Variants in ERAP1 observed in about 807,000 individuals in gnomAD.
The protein encoded by ERAP1 is endoplasmic reticulum aminopeptidase 1.
ERAP1 carries 86 observed loss-of-function variants against 103.7 expected under a neutral mutation model. That is an observed-to-expected ratio of 0.83 (90% CI 0.70 to 0.99). ERAP1 has a LOEUF of 0.99. Among genes scored for constraint, ERAP1 ranks in the 50% least tolerant of loss-of-function variants. The pLI, the probability that ERAP1 is intolerant of heterozygous loss-of-function variation, is 0.00. For missense variants in ERAP1, 1,009 were observed against 1,128.4 expected (o/e 0.89, Z 1.52); for synonymous variants, 398 against 402.4 (o/e 0.99, Z 0.13).
chr5:96,864,880 T>A, the ERAP1 span, among the ~76,000 whole-genome samples: 1 of 152,214 alleles, frequency 6.6e-6, no homozygotes, highest in East Asian at 1.9e-4. Flanking sequence ...AAGGTCCAAT[T>A]TATAAAAAGG....
At chr5:96,804,228 C>G (rs1262623440) in intron 1 of ERAP1, 1 of 431,258 alleles carries the variant, frequency 2.3e-6, no homozygotes, top group East Asian at 5.1e-5. Context: ...AGCAACCGAA[C>G]AAGCTCTGGC....
the ERAP1 span, among the ~76,000 whole-genome samples, chr5:96,872,816 AT>A: frequency 4.8e-4 from 73 of 152,246 alleles, 1 homozygote; most frequent in African/African-American, 1.7e-3. Context: ...TCAGTTTATA[AT>A]TTTTTAAAAA....
At chr5:96,850,003 T>C in the ERAP1 span, among the ~76,000 whole-genome samples, 2 of 152,156 alleles carry the variant, frequency 1.3e-5, no homozygotes, top group Non-Finnish European at 2.9e-5. Context: ...GAACACACAA[T>C]GAGTGTTCAA....
chr5:96,774,138 T>G (rs1773433545), downstream of ERAP1: 1 of 153,658 alleles, frequency 6.5e-6, no homozygotes, highest in African/African-American at 2.4e-5. Context: ...TCCTCCCATT[T>G]GGGCAGTATA....
chr5:96,789,998 C>A (rs1388144924), intron 10 of ERAP1, among the ~76,000 whole-genome samples: 1 of 152,188 alleles, frequency 6.6e-6, no homozygotes, highest in Non-Finnish European at 1.5e-5. Flanking sequence ...TTGACTGCTA[C>A]AATGCAGCTG....
intron 19 of ERAP1, among the ~76,000 whole-genome samples, chr5:96,768,768 C>T (rs1216367797): frequency 6.6e-6 from 1 of 152,202 alleles, no homozygotes; most frequent in Non-Finnish European, 1.5e-5. Context: ...GTCTACTCTT[C>T]ATTCCTCAGG....
At chr5:96,782,852 T>C (rs1044736066) in intron 15 of ERAP1, among the ~76,000 whole-genome samples, 199 bp downstream of exon 15, 5 of 152,188 alleles carry the variant, frequency 3.3e-5, no homozygotes, top group Non-Finnish European at 5.9e-5. Context: ...TATTTGACTT[T>C]TATGCATAGA....
chr5:96,791,978 CACA>C, intron 8 of ERAP1, 80 bp downstream of exon 8: 1 of 1,528,362 alleles, frequency 6.5e-7, no homozygotes, highest in South Asian at 1.1e-5. Context: ...GGTTTAACCC[CACA>C]ACCTTGCCTA....
At chr5:96,798,588 T>C (rs1249697035) in intron 3 of ERAP1, among the ~76,000 whole-genome samples, 1 of 151,456 alleles carries the variant, frequency 6.6e-6, no homozygotes, top group African/African-American at 2.4e-5. Flanking sequence ...CATCTTTTTT[T>C]TTTGTTTTGA....
At chr5:96,817,456 A>G in the ERAP1 span, among the ~76,000 whole-genome samples, 136 of 152,222 alleles carry the variant, frequency 8.9e-4, no homozygotes, top group Non-Finnish European at 1.6e-3. Context: ...AAATAACACA[A>G]TCAAAAAGAT....
the ERAP1 span, among the ~76,000 whole-genome samples, chr5:96,921,030 GAT>G: frequency 6.6e-6 from 1 of 152,304 alleles, no homozygotes; most frequent in South Asian, 2.1e-4. Flanking sequence ...CACTTCCCCT[GAT>G]ATGTTTCTGG....
rs1215091622 is a variant in ERAP1 at position 96,804,390 on chromosome 5, A to G, written c.-17-447T>C. On this transcript the variant is annotated intron_variant, in intron 1 of 18. Transcript: ENST00000443439. The stretch of plus-strand genomic sequence containing the variant: ...TCTGATCAAGCACCACTCCCCACTG[A>G]CACTGGACCTTGGAGAAAGTCACCC... 3 of 263,302 alleles carry G rather than the reference A, an allele frequency of 1.1e-5. No individual in the cohort carries two copies. The East Asian group carries it at 3.1e-4, about 27-fold the overall frequency. 16.3% of individuals were successfully genotyped at this position (263,302 alleles called of 1,614,324 possible).
intron 16 of ERAP1, among the ~76,000 whole-genome samples, 171 bp downstream of exon 16, chr5:96,781,522 C>T (rs773347044): frequency 3.3e-5 from 5 of 152,138 alleles, no homozygotes; most frequent in Non-Finnish European, 5.9e-5. Flanking sequence ...TTTTTCCTAA[C>T]ACCTGGTTCT....
In ERAP1 at chr5:96,767,624, A is replaced by G; in HGVS notation, c.2819-4396T>C. 4.5e-6 allele frequency: 3 copies of G among 672,170 alleles called. No homozygotes were observed. In the South Asian group the frequency reaches 5.6e-5, roughly 13 times the overall value. 41.6% of individuals were successfully genotyped at this position (672,170 alleles called of 1,614,324 possible). On this transcript the variant is annotated intron_variant, in intron 19 of 19. Transcript: ENST00000296754. ...CAAAGCATGCATATAAATGTGTGTG[A>G]CTATTGTTTACCTCTCTTTTAGTCT...
At chr5:96,881,399 G>C in the ERAP1 span, 1 of 456,124 alleles carries the variant, frequency 2.2e-6, no homozygotes, top group South Asian at 1.5e-5. Flanking sequence ...TATTGGTCAT[G>C]TGAGGTGAGG....
the ERAP1 span, chr5:96,934,527 G>A: frequency 6.6e-6 from 1 of 152,270 alleles, no homozygotes; most frequent in Non-Finnish European, 1.5e-5. Flanking sequence ...AGGTCCCAGA[G>A]TTAGGCAAGG....
the ERAP1 span, among the ~76,000 whole-genome samples, chr5:96,832,592 T>A: frequency 1.3e-5 from 2 of 152,208 alleles, no homozygotes; most frequent in African/African-American, 2.4e-5. Context: ...TTTGAAAAAA[T>A]TCTTTCTGGG....
chr5:96,890,484 G>A, the ERAP1 span, among the ~76,000 whole-genome samples: 11 of 152,276 alleles, frequency 7.2e-5, no homozygotes, highest in East Asian at 1.4e-3. Flanking sequence ...GTACTGGTCC[G>A]CAGCCCTAGG....
At chr5:96,842,396 T>C in the ERAP1 span, among the ~76,000 whole-genome samples, 121 of 152,246 alleles carry the variant, frequency 7.9e-4, no homozygotes, top group Admixed American at 1.2e-3. Context: ...TAGTTTACTT[T>C]CACACCAGCA....
Sources: allele counts gnomAD v4.1 joint callset (sites outside exome capture counted in the v4.1 genomes callset), GRCh38; gene constraint gnomAD v4.1.1; transcripts MANE v1.5; gene names NCBI Gene and HGNC (gene_info 2026-07-23, HGNC 2026-07-21).